The following ACBD4 variants were observed in gnomAD, a reference collection of about 807,000 sequenced individuals.
ACBD4 encodes the protein acyl-CoA binding domain containing 4.
A neutral mutation model predicts 46.0 loss-of-function variants in ACBD4; 41 were observed. That is an observed-to-expected ratio of 0.89 (90% CI 0.69 to 1.16). ACBD4 has a LOEUF of 1.16. Ranked by LOEUF, ACBD4 falls within the 50% of genes most tolerant of loss-of-function variation. ACBD4 has a pLI of 0.00. For missense variants in ACBD4, 393 were observed against 399.5 expected (o/e 0.98, Z 0.14); for synonymous variants, 162 against 155.9 (o/e 1.04, Z -0.29).
intron 2 of ACBD4, 45 bp downstream of exon 2, chr17:45,136,277 T>C: frequency 6.2e-7 from 1 of 1,604,648 alleles, no homozygotes; most frequent in Non-Finnish European, 8.5e-7. Flanking sequence ...TCAGGACGCC[T>C]GGGGTCTGAC....
Position 45,143,796 on chromosome 17 carries a change from G to T in ACBD4, c.*225G>T. The T allele has an allele frequency of 1.4e-6, 1 of 711,310 alleles. No individual in the cohort carries two copies. The highest frequency in any genetic ancestry group is 2.3e-6 in the Non-Finnish European group (1 of 441,340). 44.1% of individuals were successfully genotyped at this position (711,310 alleles called of 1,614,324 possible). Reference sequence around the variant, plus strand: ...GCAACCACCCCAGGCTCCCCTGGGAGGCTGCAGTTGTGGTACACGTCCCCG... The same window carrying T: ...GCAACCACCCCAGGCTCCCCTGGGATGCTGCAGTTGTGGTACACGTCCCCG... On this transcript the variant is annotated 3_prime_UTR_variant, in exon 10 of 10. Transcript: ENST00000321854.
At chr17:45,142,012 T>C (rs181434577) in intron 9 of ACBD4, among the ~76,000 whole-genome samples, 95 of 152,296 alleles carry the variant, frequency 6.2e-4, no homozygotes, top group African/African-American at 2.2e-3. Flanking sequence ...TACTCTTTCC[T>C]TCATCATCTT....
intron 1 of ACBD4, 22 bp from the exon 2 acceptor site, chr17:45,136,084 TCA>T: frequency 6.3e-7 from 1 of 1,580,074 alleles, no homozygotes; most frequent in Non-Finnish European, 8.6e-7. Flanking sequence ...GGAGGCCCCC[TCA>T]CACGAAGGCT....
rs2055083623 is a variant in ACBD4, at chr17:45,139,028, G to T, written c.657G>T (p.Leu219Phe). Reference protein sequence around the residue: ...SPVPPTKKEGLRGSPPGPQEL... With the variant: ...SPVPPTKKEGFRGSPPGPQEL... ...TGTGTCTGTGCTCCGCAGAGGGGTT[G>T]CGGGGCAGCCCGCCGGGGCCCCAGG... Residue 219 changes from leucine to phenylalanine, a missense_variant, in exon 9 of 10, where the codon TTG becomes TTT. Leu to Phe is a conservative substitution (Grantham distance 22). This residue lies in a region of ACBD4 where 308 missense variants were observed against 301.8 expected (regional missense o/e 1.02). Transcript: ENST00000321854. 1 of 1,613,036 alleles carries T rather than the reference G, an allele frequency of 6.2e-7. No individual in the cohort carries two copies. Among genetic ancestry groups the T allele is most frequent in the Non-Finnish European group, 8.5e-7 (1 of 1,179,964 alleles).
upstream of ACBD4, chr17:45,132,451 C>T: frequency 2.6e-6 from 3 of 1,154,992 alleles, no homozygotes; most frequent in Non-Finnish European, 3.2e-6. This position sits in a 1 kb window ranked among gnomAD's most constrained non-coding sequence, Gnocchi z 4.6. Context: ...GGTCTGCACG[C>T]GGGGACAGGG....
chr17:45,137,429 C>G lies in ACBD4; in HGVS notation c.477C>G (p.Pro159=). The change falls in exon 6 of 10, where the codon CCC becomes CCG. Residue 159 remains proline (P), a synonymous_variant. Transcript: ENST00000321854. ...VGAVSEPPCL[P]KEPAPPSPES... is the part of the protein sequence containing the mutation. Reference sequence around the variant, plus strand: ...CTGTTTCAGAGCCTCCCTGCCTCCCCAAGGAACCGGCACCCCCAAGCCCAG... The same window carrying G: ...CTGTTTCAGAGCCTCCCTGCCTCCCGAAGGAACCGGCACCCCCAAGCCCAG... The G allele has an allele frequency of 6.2e-7, 1 of 1,614,044 alleles. No individual in the cohort carries two copies. The highest frequency in any genetic ancestry group is 1.7e-5 in the Admixed American group (1 of 60,010).
upstream of ACBD4, chr17:45,132,252 C>CT: frequency 2.4e-6 from 3 of 1,274,854 alleles, no homozygotes; most frequent in South Asian, 1.1e-4. The surrounding 1 kb of genome is among the most constrained non-coding windows in gnomAD (Gnocchi z 4.6). Context: ...ACTGACCCAT[C>CT]TTCTTCAGCG....
intron 9 of ACBD4, chr17:45,142,440 AAG>A (rs1472967842): frequency 6.2e-6 from 1 of 160,188 alleles, no homozygotes; most frequent in Non-Finnish European, 1.4e-5. Flanking sequence ...AAGAAAAAGA[AAG>A]AAATTAATTT....
intron 1 of ACBD4, 46 bp downstream of exon 1, chr17:45,135,999 T>C (rs946538311): frequency 1.4e-6 from 1 of 713,716 alleles, no homozygotes; most frequent in African/African-American, 1.8e-5. Flanking sequence ...CCTCCCAGGG[T>C]GTCTGAGGCC....
upstream of ACBD4, among the ~76,000 whole-genome samples, chr17:45,132,036 G>A (rs1464280155): frequency 1.3e-5 from 2 of 152,170 alleles, no homozygotes; most frequent in Non-Finnish European, 2.9e-5. The surrounding 1 kb of genome is among the most constrained non-coding windows in gnomAD (Gnocchi z 4.6). Context: ...CTGGTGGGAA[G>A]CAAAGAACAC....
intron 6 of ACBD4, 87 bp from the exon 7 acceptor site, chr17:45,137,673 C>T: frequency 6.7e-7 from 1 of 1,493,846 alleles, no homozygotes; most frequent in Non-Finnish European, 9.3e-7. Context: ...TCTAGTGTCT[C>T]CTAAACAGGT....
intron 2 of ACBD4, 75 bp downstream of exon 2, chr17:45,136,307 T>C (rs1000165344): frequency 9.5e-6 from 15 of 1,582,934 alleles, no homozygotes; most frequent in Non-Finnish European, 1.3e-5. Context: ...AGAATGGTCC[T>C]GATCACTGCA....
chr17:45,138,028 C>A (rs1314741786), intron 8 of ACBD4, 40 bp downstream of exon 8: 4 of 1,580,314 alleles, frequency 2.5e-6, no homozygotes, highest in Non-Finnish European at 2.6e-6. Context: ...TCTGCCCTTT[C>A]CCGTGGTCCT....
At chr17:45,139,239 T>G in intron 9 of ACBD4, 79 bp downstream of exon 9, 1 of 1,508,044 alleles carries the variant, frequency 6.6e-7, no homozygotes, top group Non-Finnish European at 9.2e-7. Context: ...GCCACTTTTG[T>G]TTTTGTCCTC....
chr17:45,137,464 T>G lies in ACBD4; in HGVS notation c.502+10T>G, dbSNP rs1241552938. On this transcript the variant is annotated intron_variant, in intron 6 of 9. Coordinates refer to ENST00000321854, the MANE Select transcript of ACBD4 (RefSeq NM_001135705.3). Reference sequence around the variant, plus strand: ...GCACCCCCAAGCCCAGGTTAGTGCTTGAGCAGGAGGGGTGGACCAAACTCA... The same window carrying G: ...GCACCCCCAAGCCCAGGTTAGTGCTGGAGCAGGAGGGGTGGACCAAACTCA... 4 of 1,613,866 alleles carry G rather than the reference T, an allele frequency of 2.5e-6. No individual in the cohort carries two copies. The highest frequency in any genetic ancestry group is 2.5e-6 in the Non-Finnish European group (3 of 1,179,914).
Position 45,136,777 on chromosome 17 carries a change from GTAAGGGC to G in ACBD4, c.294+3_294+9del. ...TGAAATGAAACTGGTGGCACAGAAG[GTAAGGGC>G]TGCAGGTTCTCTGTCCCCAGGCTCC... On this transcript the variant is annotated splice_donor_variant and splice_donor_5th_base_variant and intron_variant, in intron 4 of 9. Transcript: ENST00000321854. LOFTEE classifies it high-confidence loss of function. 6.2e-7 allele frequency: 1 copy of G among 1,613,030 alleles called. No individual in the cohort carries two copies. The highest frequency in any genetic ancestry group is 8.5e-7 in the Non-Finnish European group (1 of 1,180,012).
chr17:45,137,391 G>T lies in ACBD4; in HGVS notation c.439G>T (p.Gly147Ter). The T allele has an allele frequency of 6.2e-7, 1 of 1,614,150 alleles. No individual in the cohort carries two copies. Among genetic ancestry groups the T allele is most frequent in the Non-Finnish European group, 8.5e-7 (1 of 1,180,020 alleles). ...AGGTTGGAAAGAGCAGGTTGTGAAT[G>T]GAGATGTTGGGGCTGTTTCAGAGCC... ...VTGWKEQVVN[G>*]DVGAVSEPPC... Residue 147 changes from glycine to a stop codon, truncating the protein, a stop_gained, in exon 6 of 10, where the codon GGA becomes TGA. Transcript: ENST00000321854. LOFTEE classifies it high-confidence loss of function.
At chr17:45,138,235 C>G in intron 8 of ACBD4, 1 of 581,250 alleles carries the variant, frequency 1.7e-6, no homozygotes, top group East Asian at 2.9e-5. Flanking sequence ...CTGAGTAAGG[C>G]CAGCGGGATG....
chr17:45,136,352 G>C (rs532411432), intron 2 of ACBD4, 120 bp downstream of exon 2: 2 of 1,483,252 alleles, frequency 1.3e-6, no homozygotes, highest in Non-Finnish European at 1.9e-6. Flanking sequence ...GGGCTGTCCT[G>C]GGGGTTCCCT....
Sources: allele counts gnomAD v4.1 joint callset (sites outside exome capture counted in the v4.1 genomes callset), GRCh38; gene constraint gnomAD v4.1.1; regional missense constraint gnomAD v4.1.1; non-coding constraint Gnocchi (gnomAD v3.1); transcripts MANE v1.5; gene names NCBI Gene and HGNC (gene_info 2026-07-23, HGNC 2026-07-21).